CELF2: variants seen among roughly 807,000 people sequenced by gnomAD.
CELF2 encodes the protein CUG triplet repeat RNA-binding protein 2.
A neutral mutation model predicts 62.6 loss-of-function variants in CELF2; 8 were observed. The ratio of observed to expected loss-of-function variants is 0.13; its 90% CI spans 0.07 to 0.23. The LOEUF is 0.23. Among genes scored for constraint, CELF2 ranks in the 10% least tolerant of loss-of-function variants. The pLI, the probability that CELF2 is intolerant of heterozygous loss-of-function variation, is 1.00. For missense variants in CELF2, 333 were observed against 671.0 expected (o/e 0.50, Z 5.56); for synonymous variants, 258 against 250.0 (o/e 1.03, Z -0.30).
the CELF2 span, among the ~76,000 whole-genome samples, chr10:10,613,955 T>G: frequency 6.6e-6 from 1 of 152,214 alleles, no homozygotes; most frequent in Non-Finnish European, 1.5e-5. Flanking sequence ...TGGATTTTTT[T>G]TATTGCCCTC....
At chr10:11,018,605 C>T (rs1356091232) in intron 1 of CELF2, among the ~76,000 whole-genome samples, 2 of 148,404 alleles carry the variant, frequency 1.3e-5, no homozygotes, top group Non-Finnish European at 1.5e-5. Flanking sequence ...GGCGCGGAGT[C>T]CCGGGGTCCG....
At chr10:11,148,778 G>A (rs1201731201) in intron 1 of CELF2, among the ~76,000 whole-genome samples, 1 of 152,030 alleles carries the variant, frequency 6.6e-6, no homozygotes, top group African/African-American at 2.4e-5. Flanking sequence ...CGGGGGAAGA[G>A]CAATATCTGC....
In CELF2 at chr10:11,207,665, G is replaced by A. The variant is rs989673615; in HGVS notation, c.272-9760G>A. The stretch of plus-strand genomic sequence containing the variant: ...GGGATGGCACTTGGTAATCCAAACC[G>A]TGGAGTCCACATAACTCACATACGG... On this transcript the variant is annotated intron_variant, in intron 2 of 12. Coordinates refer to ENST00000633077, the MANE Select transcript of CELF2 (RefSeq NM_001326342.2). The surrounding 1 kb of genome is among the most constrained non-coding windows in gnomAD (Gnocchi z 4.1). Among the ~76,000 whole-genome samples the A allele has an allele frequency of 2.6e-5, 4 of 152,250 alleles. No individual in the cohort carries two copies. Among genetic ancestry groups the A allele is most frequent in the Admixed American group, 1.3e-4 (2 of 15,286 alleles).
the CELF2 span, among the ~76,000 whole-genome samples, chr10:10,667,388 A>C: frequency 4.6e-5 from 7 of 152,236 alleles, no homozygotes; most frequent in African/African-American, 1.4e-4. Context: ...TTTCCAAATA[A>C]AAGAAAGCAT....
the CELF2 span, among the ~76,000 whole-genome samples, chr10:10,477,729 T>G: frequency 8.1e-6 from 1 of 123,714 alleles, no homozygotes; most frequent in Non-Finnish European, 1.7e-5. Flanking sequence ...GGGAGGAAAA[T>G]AGAGAAAGAT....
At chr10:10,744,650 C>T in the CELF2 span, among the ~76,000 whole-genome samples, 2 of 152,010 alleles carry the variant, frequency 1.3e-5, no homozygotes, top group African/African-American at 2.4e-5. Context: ...ATGCATTTAT[C>T]TGTGACTATT....
At chr10:11,176,949 A>G (rs2071407318) in intron 2 of CELF2, among the ~76,000 whole-genome samples, 1 of 152,120 alleles carries the variant, frequency 6.6e-6, no homozygotes, top group Non-Finnish European at 1.5e-5. Flanking sequence ...TTTAATGCAG[A>G]ATGTCTAAGC....
Position 11,318,535 on chromosome 10 carries a change from G to T in CELF2, c.1097-2654G>T, listed in dbSNP as rs190745395. The T allele has an allele frequency of 7.2e-4, 259 of 361,860 alleles. 1 individual carries two copies. Among genetic ancestry groups the T allele is most frequent in the African/African-American group, 4.8e-3 (223 of 46,828 alleles). The allele number at this position is 361,860 out of a possible 1,614,324, so 22.4% of individuals were successfully genotyped here. A position where few individuals can be genotyped will look rare whatever the true frequency, so the allele number is the denominator to read the frequency against. On this transcript the variant is annotated intron_variant, in intron 10 of 12. Transcript: ENST00000633077. This position sits in a 1 kb window ranked among gnomAD's most constrained non-coding sequence, Gnocchi z 5.4. ...GAAAGCAGATTAGCTCTGAGGTGTA[G>T]TCCAGAGACACAGCCAGCCTCTGTG...
At chr10:11,083,439 G>A (rs867376596) in intron 1 of CELF2, among the ~76,000 whole-genome samples, 6 of 152,164 alleles carry the variant, frequency 3.9e-5, no homozygotes, top group East Asian at 1.9e-4. Flanking sequence ...TAGGAGTAGC[G>A]TGATGATGGT....
At chr10:10,945,180 TG>T (rs957378017) in intron 2 of CELF2, among the ~76,000 whole-genome samples, 3 of 151,328 alleles carry the variant, frequency 2.0e-5, no homozygotes, top group African/African-American at 7.3e-5. Context: ...AACCCAGGAG[TG>T]GGGATGCTGC....
chr10:11,271,498 T>C (rs2083762673), intron 7 of CELF2, among the ~76,000 whole-genome samples: 1 of 152,332 alleles, frequency 6.6e-6, no homozygotes, highest in Middle Eastern at 3.4e-3. Context: ...TGAGGGCATC[T>C]GAATGGAGCT....
At position 10,798,953 on chromosome 10, in the gene CELF2, T is replaced by C. The variant is rs2054353450; in HGVS notation, c.53+136T>C. On this transcript the variant is annotated intron_variant, in intron 1 of 13. Transcript: ENST00000636488. ...GGGGTTCAGGGATGCGCAGATCTGC[T>C]AGTGGGAAGACTGTTCGGAGGCAGA... is the stretch of plus-strand genomic sequence containing the variant. 3 of 395,980 alleles carry C rather than the reference T, an allele frequency of 7.6e-6. No individual in the cohort carries two copies. The East Asian group carries it at 1.1e-4, about 14-fold the overall frequency. The allele number at this position is 395,980 out of a possible 1,614,324, so 24.5% of individuals were successfully genotyped here.
chr10:10,610,658 T>C, the CELF2 span, among the ~76,000 whole-genome samples: 3 of 152,226 alleles, frequency 2.0e-5, no homozygotes, highest in Non-Finnish European at 4.4e-5. Context: ...TGCAGTTAAC[T>C]CACAGGAAAC....
chr10:11,062,146 C>T (rs984641147), intron 1 of CELF2, among the ~76,000 whole-genome samples: 3 of 150,250 alleles, frequency 2.0e-5, no homozygotes, highest in Non-Finnish European at 4.5e-5. Flanking sequence ...ACCTACTGCT[C>T]AGGGGGGGAA....
intron 1 of CELF2, among the ~76,000 whole-genome samples, chr10:11,071,884 G>A (rs1009932021): frequency 6.6e-6 from 1 of 152,122 alleles, no homozygotes; most frequent in African/African-American, 2.4e-5. Flanking sequence ...GAGTCAATGG[G>A]GTCATGTTGG....
At chr10:10,555,939 T>A in the CELF2 span, among the ~76,000 whole-genome samples, 1 of 152,214 alleles carries the variant, frequency 6.6e-6, no homozygotes, top group Admixed American at 6.5e-5. Flanking sequence ...TTTCTCTGGA[T>A]AGATACGTAT....
chr10:11,146,103 A>G (rs141067679), intron 1 of CELF2, among the ~76,000 whole-genome samples: 1 of 152,318 alleles, frequency 6.6e-6, no homozygotes, highest in Non-Finnish European at 1.5e-5. Flanking sequence ...AGGATTGCAT[A>G]GCAAGAAAGC....
chr10:11,197,032 A>AGAAAGAAAGAAAGAAAGAAGGAAAGAAG (rs1565231489), intron 2 of CELF2, among the ~76,000 whole-genome samples: 2 of 15,606 alleles, frequency 1.3e-4, no homozygotes, highest in African/African-American at 8.9e-4. Flanking sequence ...AAGAAAAGAA[A>AGAAAGAAAGAAAGAAAGAAGGAAAGAAG]GAAAGAAAGA....
At chr10:11,281,053 C>T (rs2088476102) in intron 8 of CELF2, among the ~76,000 whole-genome samples, 1 of 151,030 alleles carries the variant, frequency 6.6e-6, no homozygotes, top group South Asian at 2.1e-4. Context: ...TCTTCATCCT[C>T]CCTCTTCTCC....
Sources: gnomAD v4.1 joint callset for allele counts (sites outside exome capture counted in the v4.1 genomes callset) on GRCh38, gnomAD v4.1.1 for gene constraint, Gnocchi (gnomAD v3.1) non-coding constraint, MANE v1.5 for transcripts, NCBI Gene and HGNC (gene_info 2026-07-23, HGNC 2026-07-21) for gene names.